Variants in DEFB132 observed in about 807,000 individuals in gnomAD.
DEFB132 encodes the protein beta-defensin 132.
A neutral mutation model predicts 2.5 loss-of-function variants in DEFB132; 5 were observed. That is an observed-to-expected ratio of 2.00 (90% confidence interval 1.04 to 4.20). DEFB132 has a LOEUF of 4.20. Among genes scored for constraint, DEFB132 ranks in the 30% most tolerant of loss-of-function variants. The pLI is 0.00. For missense variants in DEFB132, 112 were observed against 110.0 expected (o/e 1.02, Z -0.08); for synonymous variants, 53 against 46.2 (o/e 1.15, Z -0.60).
rs1156570579 is a variant in DEFB132 at position 259,210 on chromosome 20, G to A, written c.192G>A (p.Lys64=). The A allele has an allele frequency of 1.2e-6, 2 of 1,614,056 alleles. No homozygotes were observed. The highest frequency in any genetic ancestry group is 1.7e-6 in the Non-Finnish European group (2 of 1,180,044). The part of the protein sequence containing the change: ...KCCISYSFLP[K]PDLPQLIGNH... ...GCATCAGCTACTCCTTCCTGCCGAA[G>A]CCTGACCTACCACAGCTCATCGGTA... The change falls in exon 2 of 2, where the codon AAG becomes AAA. Residue 64 remains lysine (K), a synonymous_variant. Coordinates refer to ENST00000382376, the MANE Select transcript of DEFB132 (RefSeq NM_207469.3).
intron 1 of DEFB132, among the ~76,000 whole-genome samples, chr20:258,712 G>C (rs1368407688): frequency 1.1e-5 from 1 of 91,078 alleles, no homozygotes; most frequent in Non-Finnish European, 2.8e-5. Context: ...GGGAGCCTGT[G>C]GGGTGAGTGA....
intron 1 of DEFB132, among the ~76,000 whole-genome samples, chr20:258,415 G>A (rs1284573162): frequency 6.6e-6 from 1 of 152,144 alleles, no homozygotes; most frequent in African/African-American, 2.4e-5. Context: ...GATCAGAGGA[G>A]GGCCAGGCAA....
rs933152733 is a variant in DEFB132 at position 259,155 on chromosome 20, T to G, written c.137T>G (p.Leu46Trp). Residue 46 changes from leucine (L) to tryptophan (W), a missense_variant, in exon 2 of 2, where the codon TTG (leucine) becomes TGG (tryptophan). Transcript: ENST00000382376. ...RTCCHWGETA[L>W]FMCNASRKCC... ...TGTTGCCACTGGGGGGAGACAGCAT[T>G]GTTCATGTGCAACGCTTCCAGAAAA... 1 of 1,614,072 alleles carries G rather than the reference T, an allele frequency of 6.2e-7. No homozygotes were observed. The highest frequency in any genetic ancestry group is 1.3e-5 in the African/African-American group (1 of 74,910).
intron 1 of DEFB132, among the ~76,000 whole-genome samples, chr20:258,530 G>A (rs2011604786): frequency 6.6e-6 from 1 of 152,228 alleles, no homozygotes; most frequent in African/African-American, 2.4e-5. Flanking sequence ...TCAGCAGATG[G>A]TGAAATGGTG....
At chr20:258,584 G>A (rs561366005) in intron 1 of DEFB132, among the ~76,000 whole-genome samples, 8 of 152,258 alleles carry the variant, frequency 5.3e-5, no homozygotes, top group East Asian at 1.9e-4. Context: ...ACTGGCAACC[G>A]TTATTTTCTT....
chr20:259,138 C>T lies in DEFB132; in HGVS notation c.120C>T (p.His40=), dbSNP rs1323349569. Reference sequence around the variant, plus strand: ...CAGGATACTGCAGGACATGTTGCCACTGGGGGGAGACAGCATTGTTCATGT... The same window carrying T: ...CAGGATACTGCAGGACATGTTGCCATTGGGGGGAGACAGCATTGTTCATGT... ...NTPGYCRTCC[H]WGETALFMCN... Residue 40 remains histidine, a synonymous_variant, in exon 2 of 2, where the codon CAC becomes CAT. Transcript: ENST00000382376. 1 of 1,614,080 alleles carries T rather than the reference C, an allele frequency of 6.2e-7. No individual in the cohort carries two copies. The highest frequency in any genetic ancestry group is 1.3e-5 in the African/African-American group (1 of 74,912).
rs140618797 is a variant in DEFB132, at chr20:259,112, C to T, written c.94C>T (p.Pro32Ser). ...TGGGTCAAAATGTGTGAGTAACACC[C>T]CAGGATACTGCAGGACATGTTGCCA... is the stretch of plus-strand genomic sequence containing the variant. ...AGGSKCVSNTPGYCRTCCHWG... is the reference protein window; with the variant it reads ...AGGSKCVSNTSGYCRTCCHWG... Residue 32 changes from proline (P) to serine (S), a missense_variant, in exon 2 of 2, where the codon CCA becomes TCA. Coordinates refer to ENST00000382376, the MANE Select transcript of DEFB132 (RefSeq NM_207469.3). 1 of 1,614,162 alleles carries T rather than the reference C, an allele frequency of 6.2e-7. No individual in the cohort carries two copies. Among genetic ancestry groups the T allele is most frequent in the Non-Finnish European group, 8.5e-7 (1 of 1,180,038 alleles).
At chr20:258,892 C>T (rs1404340951) in intron 1 of DEFB132, among the ~76,000 whole-genome samples, 185 bp from the exon 2 acceptor site, 1 of 152,170 alleles carries the variant, frequency 6.6e-6, no homozygotes, top group Non-Finnish European at 1.5e-5. Flanking sequence ...GACAGAGTTC[C>T]CCAAGGCCAT....
rs886218260 is a variant in DEFB132, at chr20:260,525, G to A, written c.*1219G>A. 23 of 152,042 alleles carry A rather than the reference G, an allele frequency of 1.5e-4. No homozygotes were observed. Among genetic ancestry groups the A allele is most frequent in the African/African-American group, 5.3e-4 (22 of 41,396 alleles). 9.4% of individuals were successfully genotyped at this position (152,042 alleles called of 1,614,324 possible). On this transcript the variant is annotated 3_prime_UTR_variant, in exon 2 of 2. Transcript: ENST00000382376. ...AACTCATGAAAATTATGACTTTTTT[G>A]TTTGGTTGGAAAGCAGAATTATGCA...
chr20:257,921 T>TGATCCCAGGTAAAC, intron 1 of DEFB132, 85 bp downstream of exon 1: 1 of 1,436,286 alleles, frequency 7.0e-7, no homozygotes, highest in Non-Finnish European at 9.6e-7. Context: ...ATGAGCCAGG[T>TGATCCCAGGTAAAC]TGGGTGGAGG....
rs74636637 is a variant in DEFB132, at chr20:257,800, T to C, written c.22T>C (p.Leu8=). ...AGCCATGAAGTTCCTGCTCCTGGTC[T>C]TGGCAGCCCTCGGATTCCTGACCCA... MKFLLLV[L]AALGFLTQVI... The change falls in exon 1 of 2, where the codon TTG becomes CTG. Residue 8 remains leucine (L), a synonymous_variant. Transcript: ENST00000382376. 4.0e-6 allele frequency: 1 copy of C among 252,644 alleles called. No homozygotes were observed. The highest frequency in any genetic ancestry group is 6.6e-5 in the South Asian group (1 of 15,090). The allele number at this position is 252,644 out of a possible 1,614,324, so 15.7% of individuals were successfully genotyped here.
intron 1 of DEFB132, 38 bp downstream of exon 1, chr20:257,874 C>G: frequency 6.3e-7 from 1 of 1,586,020 alleles, no homozygotes; most frequent in Non-Finnish European, 8.6e-7. Context: ...AAACTGGGAA[C>G]GAGGAACACT....
Position 259,602 on chromosome 20 carries a change from A to G in DEFB132, c.*296A>G. On this transcript the variant is annotated 3_prime_UTR_variant, in exon 2 of 2. Coordinates refer to ENST00000382376, the MANE Select transcript of DEFB132 (RefSeq NM_207469.3). Reference sequence around the variant, plus strand: ...GACATGCAAAAGATTGACTGGGAGAACACACCTCTGATGGACAAAGGTGAG... The same window carrying G: ...GACATGCAAAAGATTGACTGGGAGAGCACACCTCTGATGGACAAAGGTGAG... 2.4e-6 allele frequency: 1 copy of G among 409,792 alleles called. No homozygotes were observed. Among genetic ancestry groups the G allele is most frequent in the Non-Finnish European group, 4.6e-6 (1 of 218,362 alleles). 25.4% of individuals were successfully genotyped at this position (409,792 alleles called of 1,614,324 possible).
chr20:259,653 C>G lies in DEFB132; in HGVS notation c.*347C>G, dbSNP rs1600177091. On this transcript the variant is annotated 3_prime_UTR_variant, in exon 2 of 2. Transcript: ENST00000382376. ...ACAGAGCAGCCACAGGCAGGGAGAG[C>G]CTTCAGACTGCAACGCTGGCCTGAT... 5.8e-6 allele frequency: 2 copies of G among 347,584 alleles called. No individual in the cohort carries two copies. Among genetic ancestry groups the G allele is most frequent in the Non-Finnish European group, 1.1e-5 (2 of 181,982 alleles). 21.5% of individuals were successfully genotyped at this position (347,584 alleles called of 1,614,324 possible). A position where few individuals can be genotyped will look rare whatever the true frequency, so the allele number is the denominator to read the frequency against.
chr20:259,046 T>C (rs775718982), intron 1 of DEFB132, 31 bp from the exon 2 acceptor site: 14 of 1,609,082 alleles, frequency 8.7e-6, no homozygotes, highest in East Asian at 2.2e-5. Context: ...CTTCTAACCA[T>C]GACTTCTCTG....
chr20:257,972 T>G, intron 1 of DEFB132, 136 bp downstream of exon 1: 1 of 785,278 alleles, frequency 1.3e-6, no homozygotes, highest in Non-Finnish European at 2.0e-6. Context: ...GGTAGAGATC[T>G]CCTAACAACC....
At position 259,600 on chromosome 20, in the gene DEFB132, G is replaced by C. The variant is rs549687662; in HGVS notation, c.*294G>C. ...TGGACATGCAAAAGATTGACTGGGA[G>C]AACACACCTCTGATGGACAAAGGTG... On this transcript the variant is annotated 3_prime_UTR_variant, in exon 2 of 2. Transcript: ENST00000382376. 1 of 413,704 alleles carries C rather than the reference G, an allele frequency of 2.4e-6. No homozygotes were observed. Among genetic ancestry groups the C allele is most frequent in the African/African-American group, 2.0e-5 (1 of 49,068 alleles). 25.6% of individuals were successfully genotyped at this position (413,704 alleles called of 1,614,324 possible).
rs1233415494 is a variant in DEFB132, at chr20:259,223, C to A, written c.205C>A (p.Gln69Lys). 2.5e-6 allele frequency: 4 copies of A among 1,614,062 alleles called. No homozygotes were observed. The African/African-American group carries it at 4.0e-5, about 16-fold the overall frequency. Residue 69 changes from glutamine (Q) to lysine (K), a missense_variant, in exon 2 of 2, where the codon CAG (glutamine) becomes AAG (lysine). Transcript: ENST00000382376. ...CTTCCTGCCGAAGCCTGACCTACCA[C>A]AGCTCATCGGTAACCACTGGCAATC... is the stretch of plus-strand genomic sequence containing the variant. ...YSFLPKPDLPQLIGNHWQSRR... is the reference protein window; with the variant it reads ...YSFLPKPDLPKLIGNHWQSRR...
Position 260,925 on chromosome 20 carries a change from T to A in DEFB132, c.*1619T>A, listed in dbSNP as rs1342758092. 1 of 152,256 alleles carries A rather than the reference T, an allele frequency of 6.6e-6. No homozygotes were observed. The highest frequency in any genetic ancestry group is 2.4e-5 in the African/African-American group (1 of 41,464). 9.4% of individuals were successfully genotyped at this position (152,256 alleles called of 1,614,324 possible). ...TTATGTATGTCAAAAGATATCATTTTGAAATTCATCCATCTTATTGGGTAT... is the reference window on the plus strand; with the variant it reads ...TTATGTATGTCAAAAGATATCATTTAGAAATTCATCCATCTTATTGGGTAT... On this transcript the variant is annotated 3_prime_UTR_variant, in exon 2 of 2. Transcript: ENST00000382376.
Sources: allele counts gnomAD v4.1 joint callset (sites outside exome capture counted in the v4.1 genomes callset), GRCh38; gene constraint gnomAD v4.1.1; transcripts MANE v1.5; gene names NCBI Gene and HGNC (gene_info 2026-07-23, HGNC 2026-07-21).